Variants in PTPRD observed in about 807,000 individuals in gnomAD.
PTPRD encodes receptor-type tyrosine-protein phosphatase delta.
A neutral mutation model predicts 214.5 loss-of-function variants in PTPRD; 34 were observed. The observed-to-expected ratio is 0.16, with a 90% CI of 0.12 to 0.21. The LOEUF (loss-of-function observed/expected upper bound fraction) is 0.21, where lower values mean the gene tolerates loss of function less well. Ranked by LOEUF, PTPRD falls within the 10% of genes least tolerant of loss-of-function variation. The probability of loss-of-function intolerance (pLI) is 1.00; values close to 1 mark genes in which losing one functional copy is unlikely to be tolerated. For synonymous variants in PTPRD, 1,128 were observed against 845.7 expected (o/e 1.33, Z -5.79); for missense variants, 2,545 against 2,398.7 (o/e 1.06, Z -1.27).
intron 35 of PTPRD, among the ~76,000 whole-genome samples, chr9:8,427,612 T>C (rs897792629): frequency 2.0e-5 from 3 of 152,116 alleles, no homozygotes; most frequent in African/African-American, 7.2e-5. Flanking sequence ...CAAGTGATAA[T>C]TGCACTGGTT....
At chr9:9,299,562 G>A (rs1360146458) in intron 9 of PTPRD, among the ~76,000 whole-genome samples, 11 of 151,682 alleles carry the variant, frequency 7.3e-5, no homozygotes. Flanking sequence ...ATGGACTGCA[G>A]ATTATTTATA....
chr9:10,152,601 G>A (rs1380647895), intron 3 of PTPRD, among the ~76,000 whole-genome samples: 4 of 152,136 alleles, frequency 2.6e-5, no homozygotes, highest in Admixed American at 1.3e-4. Flanking sequence ...CGAGGTGGGC[G>A]GATCACCTGA....
At chr9:9,949,798 T>C (rs528240858) in intron 4 of PTPRD, among the ~76,000 whole-genome samples, 1 of 152,314 alleles carries the variant, frequency 6.6e-6, no homozygotes, top group South Asian at 2.1e-4. Flanking sequence ...TGACATCAAC[T>C]TTAGACTGAA....
chr9:10,519,257 CAAAAAA>C (rs35808416), intron 2 of PTPRD, among the ~76,000 whole-genome samples: 5 of 71,442 alleles, frequency 7.0e-5, no homozygotes, highest in African/African-American at 1.2e-4. Context: ...ATTTCCTCCA[CAAAAAA>C]AAAAAAAAAA....
intron 14 of PTPRD, among the ~76,000 whole-genome samples, chr9:8,622,050 A>G (rs2095842574): frequency 6.6e-6 from 1 of 151,922 alleles, no homozygotes; most frequent in South Asian, 2.1e-4. Flanking sequence ...TTACCAGTAC[A>G]CTTTAAAATC....
intron 14 of PTPRD, among the ~76,000 whole-genome samples, chr9:8,557,745 T>TA (rs752836520): frequency 0.076 from 3,540 of 46,768 alleles, 142 homozygotes; most frequent in African/African-American, 0.13. Flanking sequence ...TGTCTCTCAA[T>TA]AAAAAAAAAA....
At chr9:8,596,161 A>G (rs25464) in intron 14 of PTPRD, among the ~76,000 whole-genome samples, 4,829 of 152,208 alleles carry the variant, frequency 0.032, 156 homozygotes, top group Non-Finnish European at 0.044. Flanking sequence ...TCATTGTAAG[A>G]TATAAAATAC....
intron 7 of PTPRD, among the ~76,000 whole-genome samples, chr9:9,653,080 C>T (rs571125508): frequency 2.7e-5 from 4 of 149,606 alleles, no homozygotes; most frequent in Non-Finnish European, 2.9e-5. Context: ...CGGTGGCTCA[C>T]GCCTGTAATC....
Position 8,560,440 on chromosome 9 carries a change from TACACACAC to T in PTPRD, c.353-31669_353-31662del, listed in dbSNP as rs71317370. 5.9e-4 allele frequency among the ~76,000 whole-genome samples: 84 copies of T among 143,430 alleles called. No individual in the cohort carries two copies. The South Asian group carries it at 0.011, about 19-fold the overall frequency. The allele number at this position is 143,430 out of a possible 152,430, so 94.1% of individuals were successfully genotyped here. On this transcript the variant is annotated intron_variant, in intron 14 of 45. Coordinates refer to ENST00000381196, the MANE Select transcript of PTPRD (RefSeq NM_002839.4). The stretch of plus-strand genomic sequence containing the variant: ...CAGTACCAACTTAAAAAAAAATACA[TACACACAC>T]ACACACACACACACACACACACACA...
chr9:10,069,410 T>G (rs2097950505), intron 3 of PTPRD, among the ~76,000 whole-genome samples: 1 of 152,066 alleles, frequency 6.6e-6, no homozygotes, highest in African/African-American at 2.4e-5. Flanking sequence ...AGTGCTATAC[T>G]ATGCCAGGCT....
intron 9 of PTPRD, among the ~76,000 whole-genome samples, chr9:9,203,230 G>GAC (rs144446079): frequency 3.0e-4 from 45 of 150,420 alleles, no homozygotes; most frequent in South Asian, 8.4e-4. Flanking sequence ...GACTCCATCA[G>GAC]ACACACACAC....
chr9:8,644,139 G>A (rs1173696312), intron 12 of PTPRD, among the ~76,000 whole-genome samples: 1 of 152,208 alleles, frequency 6.6e-6, no homozygotes, highest in African/African-American at 2.4e-5. Context: ...CTGAACACCT[G>A]CTGGGATGAC....
intron 5 of PTPRD, among the ~76,000 whole-genome samples, chr9:9,769,365 A>G (rs1359442942): frequency 3.7e-5 from 4 of 109,172 alleles, no homozygotes; most frequent in Admixed American, 1.5e-4. Flanking sequence ...TCACTGTGTC[A>G]CCTAGGCTGG....
intron 8 of PTPRD, among the ~76,000 whole-genome samples, chr9:9,435,010 G>C (rs2084667650): frequency 6.6e-6 from 1 of 151,640 alleles, no homozygotes; most frequent in African/African-American, 2.4e-5. Context: ...TAAAGACAAA[G>C]AGTATTTAAG....
In PTPRD at chr9:9,399,973, G is replaced by C. The variant is rs1355396087; in HGVS notation, c.-236-2491C>G. 1.3e-5 allele frequency among the ~76,000 whole-genome samples: 2 copies of C among 151,808 alleles called. 1 individual carries two copies. The highest frequency in any genetic ancestry group is 2.9e-5 in the Non-Finnish European group (2 of 67,970). On this transcript the variant is annotated intron_variant, in intron 8 of 45. Transcript: ENST00000381196. The stretch of plus-strand genomic sequence containing the variant: ...AATAGAATAATCAGAAATCATGGAA[G>C]TACCTTTGGAAATATTAATAAAAGT...
chr9:9,694,736 C>T (rs1336934744), intron 7 of PTPRD, among the ~76,000 whole-genome samples: 2 of 152,166 alleles, frequency 1.3e-5, no homozygotes, highest in Admixed American at 6.5e-5. Context: ...AGGAGCCTCT[C>T]CCTGTGGCTG....
chr9:10,183,166 G>A (rs2099310483), intron 3 of PTPRD, among the ~76,000 whole-genome samples: 1 of 152,228 alleles, frequency 6.6e-6, no homozygotes, highest in East Asian at 1.9e-4. Flanking sequence ...TTTAAAGGAA[G>A]TGTTTGCCAT....
In PTPRD at chr9:8,473,272, T is replaced by C. The variant is rs149888403; in HGVS notation, c.3414-2187A>G. On this transcript the variant is annotated intron_variant, in intron 30 of 45. Transcript: ENST00000381196. ...TTTTCTTTACTACAAACAATCATAA[T>C]GATCAAGGAGGATGAGGAGAAGGCA... 2.9e-3 allele frequency among the ~76,000 whole-genome samples: 440 copies of C among 152,250 alleles called. 2 individuals carry two copies. Among genetic ancestry groups the C allele is most frequent in the African/African-American group, 0.01 (419 of 41,542 alleles).
At chr9:9,110,665 T>G (rs1014181469) in intron 10 of PTPRD, among the ~76,000 whole-genome samples, 1 of 152,092 alleles carries the variant, frequency 6.6e-6, no homozygotes, top group African/African-American at 2.4e-5. Flanking sequence ...AATCACCAAA[T>G]AGCTCTCAAA....
Sources: gnomAD v4.1 joint callset for allele counts (sites outside exome capture counted in the v4.1 genomes callset) on GRCh38, gnomAD v4.1.1 for gene constraint, MANE v1.5 for transcripts, NCBI Gene and HGNC (gene_info 2026-07-23, HGNC 2026-07-21) for gene names.